Variants in PTP4A1 observed in about 807,000 individuals in gnomAD.
The protein encoded by PTP4A1 is protein tyrosine phosphatase 4A1, also known as protein tyrosine phosphatase type IVA 1.
A neutral mutation model predicts 20.5 loss-of-function variants in PTP4A1; 9 were observed. The observed-to-expected ratio is 0.44, with a 90% CI of 0.26 to 0.77. The LOEUF is 0.77. PTP4A1 is among the 30% of genes least tolerant of loss of function. The pLI, the probability that PTP4A1 is intolerant of heterozygous loss-of-function variation, is 0.19. For synonymous variants in PTP4A1, 78 were observed against 67.4 expected, an observed-to-expected ratio of 1.16 and a Z score of -0.77; for missense variants, 137 against 218.8, an observed-to-expected ratio of 0.63 and a Z score of 2.36.
chr6:63,555,002 G>C (rs1383373297), intron 3 of PTP4A1, among the ~76,000 whole-genome samples: 1 of 152,194 alleles, frequency 6.6e-6, no homozygotes, highest in African/African-American at 2.4e-5. Flanking sequence ...TGTGGTTTCT[G>C]ATAACATGTG....
At chr6:63,573,578 T>G (rs1777639498) in intron 1 of PTP4A1, 1 of 152,222 alleles carries the variant, frequency 6.6e-6, no homozygotes, top group Admixed American at 6.5e-5. Flanking sequence ...TTCCGCGAGC[T>G]GCACCCCTGC....
chr6:63,547,976 A>G (rs1776278328), intron 2 of PTP4A1, among the ~76,000 whole-genome samples: 1 of 152,164 alleles, frequency 6.6e-6, no homozygotes. Flanking sequence ...ATTCCCTAGT[A>G]TGGAATATAA....
chr6:63,518,696 C>T (rs2149469652), upstream of PTP4A1, among the ~76,000 whole-genome samples: 1 of 152,348 alleles, frequency 6.6e-6, no homozygotes, highest in South Asian at 2.1e-4. Context: ...TCAGCCTTCA[C>T]AGTGTACTAA....
chr6:63,554,137 T>C (rs1776567389), intron 3 of PTP4A1, among the ~76,000 whole-genome samples: 1 of 152,210 alleles, frequency 6.6e-6, no homozygotes, highest in South Asian at 2.1e-4. Context: ...GGTAGCCTCC[T>C]CTCAGAGGCA....
intron 2 of PTP4A1, among the ~76,000 whole-genome samples, chr6:63,538,515 T>C (rs1346493499): frequency 6.6e-6 from 1 of 152,242 alleles, no homozygotes; most frequent in Non-Finnish European, 1.5e-5. Flanking sequence ...GTTCAGTATT[T>C]GAAGCTGTAG....
chr6:63,538,604 A>C (rs1056856373), intron 2 of PTP4A1, among the ~76,000 whole-genome samples: 34 of 152,230 alleles, frequency 2.2e-4, no homozygotes, highest in African/African-American at 7.2e-4. Flanking sequence ...ACCAAGAAAT[A>C]GCATGCAAAA....
intron 2 of PTP4A1, among the ~76,000 whole-genome samples, chr6:63,541,476 C>T (rs1438403811): frequency 6.6e-6 from 1 of 152,036 alleles, no homozygotes; most frequent in Non-Finnish European, 1.5e-5. Context: ...TCGCCTGAAC[C>T]CCGGAGGCAG....
Position 63,572,538 on chromosome 6 carries a change from C to T in PTP4A1, c.-627C>T, listed in dbSNP as rs1303703529. The stretch of plus-strand genomic sequence containing the variant: ...GGCCGGCTCGGCTACGCGCTCTGCT[C>T]CGAGCCGCTCACTGCATGGTAGAGT... On this transcript the variant is annotated 5_prime_UTR_variant, in exon 1 of 6. Transcript: ENST00000626021. 6 of 396,364 alleles carry T rather than the reference C, an allele frequency of 1.5e-5. No homozygotes were observed. Among genetic ancestry groups the T allele is most frequent in the East Asian group, 1.1e-4 (3 of 27,812 alleles). 24.6% of individuals were successfully genotyped at this position (396,364 alleles called of 1,614,324 possible).
At chr6:63,522,084 A>T (rs1477014239) in intron 1 of PTP4A1, among the ~76,000 whole-genome samples, 1 of 152,172 alleles carries the variant, frequency 6.6e-6, no homozygotes, top group Non-Finnish European at 1.5e-5. Flanking sequence ...CTTGGATTAC[A>T]TTGGTAGAAC....
rs60316277 is a variant in PTP4A1, at chr6:63,541,026, A to AAAGGAAGG, written c.-639-9249_-639-9242dup. On this transcript the variant is annotated intron_variant, in intron 2 of 3. Coordinates refer to the PTP4A1 transcript ENST00000639568. ...AAAAAAAAGGAAGGAGGGAATGAAG[A>AAAGGAAGG]AAGGAAGGAAGGAAGGAAGGAAGGA... is the stretch of plus-strand genomic sequence containing the variant. Among the ~76,000 whole-genome samples, 162 of 146,576 alleles carry AAAGGAAGG rather than the reference A, an allele frequency of 1.1e-3. 2 individuals are homozygous for AAAGGAAGG. Among genetic ancestry groups the AAAGGAAGG allele is most frequent in the East Asian group, 2.7e-3 (13 of 4,884 alleles).
At chr6:63,520,683 G>A (rs1236172889), upstream of PTP4A1, among the ~76,000 whole-genome samples, 2 of 146,896 alleles carry the variant, frequency 1.4e-5, no homozygotes, top group South Asian at 4.2e-4. Context: ...AATGAAAATA[G>A]ATATCTGAAA....
chr6:63,580,033 A>ATTT (rs56188808), intron 5 of PTP4A1, 24 bp from the exon 6 acceptor site: 510 of 1,385,742 alleles, frequency 3.7e-4, no homozygotes, highest in Non-Finnish European at 4.8e-4. Context: ...GCCTTGTTTC[A>ATTT]TTTTTTTTTT....
chr6:63,543,048 A>G (rs994247323), intron 2 of PTP4A1, among the ~76,000 whole-genome samples: 1 of 152,194 alleles, frequency 6.6e-6, no homozygotes, highest in Non-Finnish European at 1.5e-5. Flanking sequence ...ACATATGGCC[A>G]ATCTTTTTTC....
chr6:63,540,775 G>T (rs796453679), intron 2 of PTP4A1, among the ~76,000 whole-genome samples: 34 of 151,464 alleles, frequency 2.2e-4, no homozygotes, highest in African/African-American at 8.0e-4. Context: ...GGGAGACGTA[G>T]AAATAGCAAA....
At chr6:63,517,133 G>C (rs1387128661), upstream of PTP4A1, among the ~76,000 whole-genome samples, 2 of 152,074 alleles carry the variant, frequency 1.3e-5, no homozygotes, top group African/African-American at 4.8e-5. Context: ...AATACATCAT[G>C]CTTATTATTA....
At position 63,582,002 on chromosome 6, in the gene PTP4A1, A is replaced by T. The variant is rs1286965366; in HGVS notation, c.*1828A>T. On this transcript the variant is annotated 3_prime_UTR_variant, in exon 6 of 6. Coordinates refer to ENST00000626021, the MANE Select transcript of PTP4A1 (RefSeq NM_003463.5). ...GGACTCAAAGTTTAAGTAAAAAGTGATACTCCACCTTGTGTTTCAAAGAAT... is the reference window on the plus strand; with the variant it reads ...GGACTCAAAGTTTAAGTAAAAAGTGTTACTCCACCTTGTGTTTCAAAGAAT... 6.6e-6 allele frequency: 1 copy of T among 152,178 alleles called. No individual in the cohort carries two copies. The highest frequency in any genetic ancestry group is 1.9e-4 in the East Asian group (1 of 5,200). The allele number at this position is 152,178 out of a possible 1,614,324, so 9.4% of individuals were successfully genotyped here. A position where few individuals can be genotyped will look rare whatever the true frequency, so the allele number is the denominator to read the frequency against.
chr6:63,551,951 A>G (rs186908523), intron 3 of PTP4A1, among the ~76,000 whole-genome samples: 258 of 152,320 alleles, frequency 1.7e-3, no homozygotes, highest in Admixed American at 6.3e-3. Context: ...ACTGATGGAC[A>G]TTTGGGTTGG....
chr6:63,556,606 T>A (rs1468313890), intron 3 of PTP4A1, among the ~76,000 whole-genome samples: 3 of 152,146 alleles, frequency 2.0e-5, no homozygotes, highest in Non-Finnish European at 4.4e-5. Context: ...ACAGGGGAAG[T>A]TAAGTCTAAA....
chr6:63,524,111 A>G (rs1412884890), intron 1 of PTP4A1, among the ~76,000 whole-genome samples: 1 of 152,078 alleles, frequency 6.6e-6, no homozygotes, highest in East Asian at 1.9e-4. Context: ...CAGCTTTCTA[A>G]GTAGCTGGGA....
Sources: allele counts gnomAD v4.1 joint callset (sites outside exome capture counted in the v4.1 genomes callset), GRCh38; gene constraint gnomAD v4.1.1; transcripts MANE v1.5; gene names NCBI Gene and HGNC (gene_info 2026-07-23, HGNC 2026-07-21).